The following CDH12 variants were observed in gnomAD, a reference collection of about 807,000 sequenced individuals.
CDH12 encodes the protein cadherin-12.
In CDH12, 41 loss-of-function variants were observed where a neutral mutation model predicts 74.1. The observed-to-expected ratio is 0.55, with a 90% CI of 0.43 to 0.72. The LOEUF (loss-of-function observed/expected upper bound fraction) is 0.72, where lower values mean the gene tolerates loss of function less well. Ranked by LOEUF, CDH12 falls within the 30% of genes least tolerant of loss-of-function variation. CDH12 has a pLI of 0.00. For synonymous variants in CDH12, 399 were observed against 355.0 expected, an observed-to-expected ratio of 1.12 and a Z score of -1.39; for missense variants, 945 against 977.2, an observed-to-expected ratio of 0.97 and a Z score of 0.44.
rs530349657 is a variant in CDH12, at chr5:21,937,304, T to C, written c.526+37787A>G. ...GAAAGTGTTTTAAGAAAGAGAATAG[T>C]GTGATTATATTTGCTTTTTAGTTTG... is the stretch of plus-strand genomic sequence containing the variant. On this transcript the variant is annotated intron_variant, in intron 6 of 14. Transcript: ENST00000382254. 3.9e-5 allele frequency among the ~76,000 whole-genome samples: 6 copies of C among 152,250 alleles called. No homozygotes were observed. The South Asian group carries it at 1.2e-3, about 32-fold the overall frequency.
At chr5:22,034,919 C>A (rs4340886) in intron 5 of CDH12, among the ~76,000 whole-genome samples, 3,139 of 152,218 alleles carry the variant, frequency 0.021, 116 homozygotes, top group African/African-American at 0.073. Flanking sequence ...CATCGGTTAA[C>A]GCCATTGACA....
intron 1 of CDH12, among the ~76,000 whole-genome samples, chr5:22,628,093 G>C (rs114884560): frequency 1.4e-3 from 213 of 152,142 alleles, no homozygotes; most frequent in African/African-American, 5.0e-3. Flanking sequence ...GGAGCACCAA[G>C]ATTCATAAAA....
intron 7 of CDH12, 125 bp from the exon 8 acceptor site, chr5:21,842,453 T>A: frequency 1.6e-6 from 1 of 622,992 alleles, no homozygotes; most frequent in South Asian, 2.6e-5. Context: ...TAGCTAAAAT[T>A]GTATCTTTTA....
At chr5:22,140,735 C>A (rs997302163) in intron 4 of CDH12, among the ~76,000 whole-genome samples, 3 of 152,138 alleles carry the variant, frequency 2.0e-5, no homozygotes, top group African/African-American at 7.2e-5. Flanking sequence ...ACAGAATGTT[C>A]TGGGAGAGTC....
intron 3 of CDH12, among the ~76,000 whole-genome samples, chr5:22,380,911 G>A (rs1741731408): frequency 6.6e-6 from 1 of 151,946 alleles, no homozygotes; most frequent in African/African-American, 2.4e-5. Flanking sequence ...AAAACATTAG[G>A]CAATTGGCTT....
At chr5:22,501,327 T>C (rs763220436) in intron 2 of CDH12, among the ~76,000 whole-genome samples, 23 of 152,168 alleles carry the variant, frequency 1.5e-4, no homozygotes, top group South Asian at 6.2e-4. Flanking sequence ...GGATAATTCA[T>C]GGAAGACTGG....
At chr5:22,049,893 C>A (rs10052686) in intron 5 of CDH12, among the ~76,000 whole-genome samples, 32,127 of 152,002 alleles carry the variant, frequency 0.21, 3,461 homozygotes, top group South Asian at 0.26. Context: ...ATGTTGCCAT[C>A]AGAGAGTGCT....
intron 3 of CDH12, among the ~76,000 whole-genome samples, chr5:22,234,686 G>T (rs1752501948): frequency 6.7e-6 from 1 of 150,166 alleles, no homozygotes; most frequent in African/African-American, 2.5e-5. Context: ...ATGTGAATGT[G>T]CATATATATA....
intron 5 of CDH12, among the ~76,000 whole-genome samples, chr5:21,999,616 T>G (rs1328394963): frequency 5.9e-5 from 9 of 152,152 alleles, no homozygotes; most frequent in Non-Finnish European, 1.2e-4. Context: ...ACAATATCTG[T>G]TAAAGGCATC....
At chr5:22,706,063 G>T (rs963498730) in intron 1 of CDH12, among the ~76,000 whole-genome samples, 1 of 151,884 alleles carries the variant, frequency 6.6e-6, no homozygotes, top group Non-Finnish European at 1.5e-5. Context: ...TTGCACAATT[G>T]GTATCTCAAA....
intron 9 of CDH12, among the ~76,000 whole-genome samples, chr5:21,806,104 A>G (rs1747412963): frequency 6.6e-6 from 1 of 152,176 alleles, no homozygotes; most frequent in Admixed American, 6.6e-5. Context: ...TGTTCTACAG[A>G]GACTCAAGGG....
At chr5:22,846,566 A>T (rs1561072684) in intron 1 of CDH12, among the ~76,000 whole-genome samples, 1 of 152,208 alleles carries the variant, frequency 6.6e-6, no homozygotes, top group Non-Finnish European at 1.5e-5. Context: ...AGCAGATGAA[A>T]GATTTAATGT....
chr5:22,153,249 A>C (rs1354751135), intron 4 of CDH12, among the ~76,000 whole-genome samples: 1 of 149,470 alleles, frequency 6.7e-6, no homozygotes, highest in Non-Finnish European at 1.5e-5. Context: ...TATATTCCTA[A>C]ATTAAACTTC....
chr5:22,028,335 A>G (rs1219921897), intron 5 of CDH12, among the ~76,000 whole-genome samples: 1 of 152,128 alleles, frequency 6.6e-6, no homozygotes, highest in African/African-American at 2.4e-5. Flanking sequence ...CTGTTTGCAG[A>G]TGACATGATT....
chr5:22,712,244 A>G (rs1028599296), intron 1 of CDH12, among the ~76,000 whole-genome samples: 5 of 152,066 alleles, frequency 3.3e-5, no homozygotes, highest in African/African-American at 1.2e-4. Context: ...TGGAAAATAC[A>G]ATTACTTTTT....
intron 6 of CDH12, among the ~76,000 whole-genome samples, chr5:21,931,207 C>G (rs1340412614): frequency 6.6e-6 from 1 of 151,432 alleles, no homozygotes; most frequent in Non-Finnish European, 1.5e-5. Context: ...TTACAGGATT[C>G]AAATGCCTGT....
chr5:22,308,148 A>G (rs577011654), intron 3 of CDH12, among the ~76,000 whole-genome samples: 19 of 152,012 alleles, frequency 1.2e-4, no homozygotes, highest in Middle Eastern at 6.8e-3. Flanking sequence ...CCAAAGTGCT[A>G]GGATTACAGG....
intron 5 of CDH12, among the ~76,000 whole-genome samples, chr5:22,052,474 G>A (rs930061009): frequency 6.6e-6 from 1 of 152,106 alleles, no homozygotes; most frequent in African/African-American, 2.4e-5. Flanking sequence ...AAGCACTTGT[G>A]TAGAGGCACA....
chr5:22,653,657 A>T (rs1350448219), intron 1 of CDH12, among the ~76,000 whole-genome samples: 1 of 152,154 alleles, frequency 6.6e-6, no homozygotes, highest in African/African-American at 2.4e-5. Flanking sequence ...CCCACTGGTA[A>T]TGCAGCCTGA....
Sources: allele counts gnomAD v4.1 joint callset (sites outside exome capture counted in the v4.1 genomes callset), GRCh38; gene constraint gnomAD v4.1.1; transcripts MANE v1.5; gene names NCBI Gene and HGNC (gene_info 2026-07-23, HGNC 2026-07-21).